PTPRM: variants seen among roughly 807,000 people sequenced by gnomAD.
PTPRM encodes receptor-type tyrosine-protein phosphatase mu.
A neutral mutation model predicts 186.7 loss-of-function variants in PTPRM; 47 were observed. The ratio of observed to expected loss-of-function variants is 0.25; its 90% confidence interval spans 0.20 to 0.32. PTPRM has a LOEUF of 0.32. PTPRM is among the 10% of genes least tolerant of loss of function. The pLI, the probability that PTPRM is intolerant of heterozygous loss-of-function variation, is 1.00. For synonymous variants in PTPRM, 668 were observed against 674.9 expected, an observed-to-expected ratio of 0.99 and a Z score of 0.16; for missense variants, 1,494 against 1,865.0, an observed-to-expected ratio of 0.80 and a Z score of 3.66.
chr18:8,064,023 T>C (rs629391), intron 7 of PTPRM, among the ~76,000 whole-genome samples: 95,138 of 151,972 alleles, frequency 0.63, 29,949 homozygotes, highest in African/African-American at 0.67. Context: ...GTGTTCTTAC[T>C]GTAAGTGTAT....
chr18:7,598,682 TG>T (rs1158369364), intron 1 of PTPRM, among the ~76,000 whole-genome samples: 1 of 152,214 alleles, frequency 6.6e-6, no homozygotes, highest in Non-Finnish European at 1.5e-5. Context: ...ATTCAACTTT[TG>T]CCTCATGTTA....
intron 2 of PTPRM, among the ~76,000 whole-genome samples, chr18:7,877,793 T>G (rs532752887): frequency 6.6e-6 from 1 of 152,304 alleles, no homozygotes; most frequent in African/African-American, 2.4e-5. Flanking sequence ...TTAGTCCAAT[T>G]CTTTCACAGT....
intron 32 of PTPRM, among the ~76,000 whole-genome samples, chr18:8,395,518 G>A (rs901905280): frequency 2.0e-5 from 3 of 152,198 alleles, no homozygotes; most frequent in South Asian, 2.1e-4. Context: ...CAATGACAAC[G>A]AGCTCCCAAA....
chr18:8,284,028 T>C (rs777097232), intron 19 of PTPRM, among the ~76,000 whole-genome samples: 3 of 152,218 alleles, frequency 2.0e-5, no homozygotes, highest in Non-Finnish European at 4.4e-5. Context: ...CTTATGACAT[T>C]TCTTGGCAAA....
intron 2 of PTPRM, among the ~76,000 whole-genome samples, chr18:7,860,202 A>G (rs1323360556): frequency 6.6e-6 from 1 of 151,750 alleles, no homozygotes; most frequent in East Asian, 1.9e-4. Context: ...CCTCCCAAGT[A>G]GTTGGGATTA....
At chr18:7,688,757 G>C (rs1356006443) in intron 1 of PTPRM, among the ~76,000 whole-genome samples, 1 of 152,148 alleles carries the variant, frequency 6.6e-6, no homozygotes, top group African/African-American at 2.4e-5. Flanking sequence ...AGCACGGTTG[G>C]TTGTGGCCAA....
At chr18:8,246,143 C>A (rs1357661139) in intron 15 of PTPRM, among the ~76,000 whole-genome samples, 1 of 152,102 alleles carries the variant, frequency 6.6e-6, no homozygotes, top group Non-Finnish European at 1.5e-5. Context: ...GTCTTGATGT[C>A]TTTGAAATAA....
rs10163722 is a variant in PTPRM at position 8,244,263 on chromosome 18, C to T, written c.2452+54C>T. On this transcript the variant is annotated intron_variant, in intron 15 of 32. Transcript: ENST00000580170. Reference sequence around the variant, plus strand: ...CACATCTCCTTGGTTTTGCAAGATTCCAGGTGGTACTAGGGGATTTCAAAA... The same window carrying T: ...CACATCTCCTTGGTTTTGCAAGATTTCAGGTGGTACTAGGGGATTTCAAAA... 2,594 of 1,443,814 alleles carry T rather than the reference C, an allele frequency of 1.8e-3. 39 individuals are homozygous for T. The African/African-American group carries it at 0.035, about 20-fold the overall frequency. The allele number at this position is 1,443,814 out of a possible 1,614,324, so 89.4% of individuals were successfully genotyped here.
chr18:7,986,984 G>A (rs779590998), intron 7 of PTPRM, among the ~76,000 whole-genome samples: 131 of 152,178 alleles, frequency 8.6e-4, no homozygotes, highest in Non-Finnish European at 1.1e-3. Flanking sequence ...CCAGTAGAAA[G>A]TAACCCTGCC....
At chr18:7,607,052 G>A (rs890050873) in intron 1 of PTPRM, among the ~76,000 whole-genome samples, 9 of 151,832 alleles carry the variant, frequency 5.9e-5, no homozygotes, top group African/African-American at 2.2e-4. Flanking sequence ...GCCTAACCTG[G>A]GAGGTTTTCA....
At chr18:7,661,286 G>T (rs1039538726) in intron 1 of PTPRM, among the ~76,000 whole-genome samples, 1 of 152,182 alleles carries the variant, frequency 6.6e-6, no homozygotes, top group Non-Finnish European at 1.5e-5. Flanking sequence ...TCCCCTTACA[G>T]ATGTGGTTAA....
chr18:7,714,094 A>C (rs1476004827), intron 1 of PTPRM, among the ~76,000 whole-genome samples: 3 of 152,138 alleles, frequency 2.0e-5, no homozygotes, highest in African/African-American at 7.2e-5. Flanking sequence ...CGTTGCACTT[A>C]CTCTAAAATT....
At chr18:7,645,341 A>C (rs2038536048) in intron 1 of PTPRM, among the ~76,000 whole-genome samples, 1 of 152,308 alleles carries the variant, frequency 6.6e-6, no homozygotes, top group African/African-American at 2.4e-5. Flanking sequence ...CATTTTACTT[A>C]TGTAACGATT....
At chr18:8,289,442 A>ATG (rs2094998974) in intron 19 of PTPRM, among the ~76,000 whole-genome samples, 2 of 131,824 alleles carry the variant, frequency 1.5e-5, no homozygotes, top group African/African-American at 5.9e-5. Context: ...ATGTATATAT[A>ATG]CGTATATATG....
rs529071314 is a variant in PTPRM, at chr18:8,073,220, C to T, written c.1441+3226C>T. On this transcript the variant is annotated intron_variant, in intron 8 of 32. Coordinates refer to ENST00000580170, the MANE Select transcript of PTPRM (RefSeq NM_001105244.2). ...AAATAAGAAATATCACTGGCTGCTC[C>T]GCCTATGGAGTAGCCATTCTTTTAT... Among the ~76,000 whole-genome samples, 197 of 152,326 alleles carry T rather than the reference C, an allele frequency of 1.3e-3. 1 individual carries two copies. The highest frequency in any genetic ancestry group is 4.6e-3 in the African/African-American group (192 of 41,580).
At chr18:7,911,010 C>A (rs2050236166) in intron 4 of PTPRM, among the ~76,000 whole-genome samples, 1 of 152,212 alleles carries the variant, frequency 6.6e-6, no homozygotes, top group African/African-American at 2.4e-5. Context: ...TCTCCATATT[C>A]ATTTAAATGC....
At chr18:8,284,445 T>A (rs1601627175) in intron 19 of PTPRM, among the ~76,000 whole-genome samples, 1 of 152,222 alleles carries the variant, frequency 6.6e-6, no homozygotes, top group South Asian at 2.1e-4. Context: ...AACTAATTGT[T>A]ATCCTTTCAG....
At chr18:8,127,237 A>AAT (rs2092390386) in intron 13 of PTPRM, among the ~76,000 whole-genome samples, 1 of 152,156 alleles carries the variant, frequency 6.6e-6, no homozygotes, top group Admixed American at 6.6e-5. Flanking sequence ...GGTCATGGGG[A>AAT]ATGGATCAGC....
At chr18:8,387,718 G>C (rs1348557002) in intron 31 of PTPRM, among the ~76,000 whole-genome samples, 1 of 150,228 alleles carries the variant, frequency 6.7e-6, no homozygotes, top group Non-Finnish European at 1.5e-5. Flanking sequence ...AATCATGTCA[G>C]GTCTCAAAGG....
Sources: gnomAD v4.1 joint callset for allele counts (sites outside exome capture counted in the v4.1 genomes callset) on GRCh38, gnomAD v4.1.1 for gene constraint, MANE v1.5 for transcripts, NCBI Gene and HGNC (gene_info 2026-07-23, HGNC 2026-07-21) for gene names.